C12orf75: variants seen among roughly 807,000 people sequenced by gnomAD.
The protein encoded by C12orf75 is overexpressed in colon carcinoma 1 protein.
Under a neutral mutation model 11.4 loss-of-function variants are expected in C12orf75, and 4 were observed. The ratio of observed to expected loss-of-function variants is 0.35; its 90% confidence interval spans 0.17 to 0.80. The LOEUF (loss-of-function observed/expected upper bound fraction) is 0.80, where lower values mean the gene tolerates loss of function less well. C12orf75 is among the 30% of genes least tolerant of loss of function. The pLI, the probability that C12orf75 is intolerant of heterozygous loss-of-function variation, is 0.52. For missense variants in C12orf75, 89 were observed against 80.4 expected (o/e 1.11, Z -0.41); for synonymous variants, 30 against 30.0 (o/e 1.00, Z 0.00).
At chr12:105,347,904 G>T (rs929558467) in intron 1 of C12orf75, among the ~76,000 whole-genome samples, 2 of 152,136 alleles carry the variant, frequency 1.3e-5, no homozygotes, top group African/African-American at 4.8e-5. Context: ...GACTTAACCT[G>T]CCGTGCAGAC....
chr12:105,360,091 A>T (rs1454618105), intron 2 of C12orf75, among the ~76,000 whole-genome samples: 1 of 152,210 alleles, frequency 6.6e-6, no homozygotes, highest in Non-Finnish European at 1.5e-5. Flanking sequence ...GCTCTTACTG[A>T]TCTGCATTAG....
At chr12:105,359,833 A>G (rs1013413859) in intron 2 of C12orf75, among the ~76,000 whole-genome samples, 16 of 151,626 alleles carry the variant, frequency 1.1e-4, no homozygotes, top group Non-Finnish European at 2.4e-4. Flanking sequence ...TGGTTGCTGT[A>G]TGTCCATTTG....
intron 1 of C12orf75, among the ~76,000 whole-genome samples, chr12:105,347,002 A>C (rs1592879374): frequency 1.3e-5 from 2 of 152,342 alleles, no homozygotes; most frequent in East Asian, 3.9e-4. Context: ...TGTCTTTTTA[A>C]ATCTTCACAA....
chr12:105,337,410 A>C (rs1384232230), intron 1 of C12orf75, among the ~76,000 whole-genome samples: 2 of 152,146 alleles, frequency 1.3e-5, no homozygotes, highest in Non-Finnish European at 2.9e-5. Context: ...GAGCAGAGAG[A>C]AATTTCTCAA....
chr12:105,359,491 CT>C (rs1892829956), intron 2 of C12orf75, among the ~76,000 whole-genome samples: 1 of 152,158 alleles, frequency 6.6e-6, no homozygotes, highest in Admixed American at 6.6e-5. Context: ...TTATTACTGG[CT>C]GGGCGCAGTG....
At position 105,330,707 on chromosome 12, in the gene C12orf75, C is replaced by T. The variant is rs1351861491; in HGVS notation, c.-185C>T. The T allele has an allele frequency of 4.3e-5, 19 of 445,996 alleles. No individual in the cohort carries two copies. Among genetic ancestry groups the T allele is most frequent in the Non-Finnish European group, 5.6e-5 (17 of 302,780 alleles). The allele number at this position is 445,996 out of a possible 1,614,324, so 27.6% of individuals were successfully genotyped here. On this transcript the variant is annotated 5_prime_UTR_variant, in exon 1 of 6. Transcript: ENST00000443585. ...GTGCCGGGTGGTTTCCGCCCGGCAG[C>T]CCGCAGCCCGCTGCGCCCCGGGCCG...
At chr12:105,343,984 A>G (rs186499799) in intron 1 of C12orf75, among the ~76,000 whole-genome samples, 110 of 152,264 alleles carry the variant, frequency 7.2e-4, no homozygotes, top group Admixed American at 1.8e-3. Context: ...AACAGAGGGA[A>G]TGGTCTGTTG....
chr12:105,348,048 A>G (rs1892659965), intron 1 of C12orf75, among the ~76,000 whole-genome samples: 1 of 152,252 alleles, frequency 6.6e-6, no homozygotes. Flanking sequence ...TGTAATTTAC[A>G]GGAACTGTTA....
rs1304239332 is a variant in C12orf75 at position 105,355,175 on chromosome 12, TTTTTC to T, written c.71+6554_71+6558del. 4.3e-4 allele frequency among the ~76,000 whole-genome samples: 20 copies of T among 46,954 alleles called. 2 individuals carry two copies. The highest frequency in any genetic ancestry group is 8.1e-4 in the African/African-American group (14 of 17,354). The allele number at this position is 46,954 out of a possible 152,430, so 30.8% of individuals were successfully genotyped here. Reference sequence around the variant, plus strand: ...TTTCACGAATTTCTTTTTCTTTTTCTTTTTCTTTTTTTTTTTCAGAGTTTTGCTCT... The same window carrying T: ...TTTCACGAATTTCTTTTTCTTTTTCTTTTTTTTTTTTCAGAGTTTTGCTCT... On this transcript the variant is annotated intron_variant, in intron 2 of 5. Coordinates refer to ENST00000443585, the MANE Select transcript of C12orf75 (RefSeq NM_001145199.2).
chr12:105,344,804 T>A (rs1392419104), intron 1 of C12orf75, among the ~76,000 whole-genome samples: 5 of 151,948 alleles, frequency 3.3e-5, no homozygotes, highest in African/African-American at 1.2e-4. Context: ...ATTGTTTTCT[T>A]CCCTCTGTAA....
In C12orf75 at chr12:105,345,659, C is replaced by CTTTTTTTTTTTTTTTTTTTT. The variant is rs771376717; in HGVS notation, c.47-2942_47-2923dup. Among the ~76,000 whole-genome samples, 3 of 73,498 alleles carry CTTTTTTTTTTTTTTTTTTTT rather than the reference C, an allele frequency of 4.1e-5. 1 individual carries two copies. Among genetic ancestry groups the CTTTTTTTTTTTTTTTTTTTT allele is most frequent in the Non-Finnish European group, 7.0e-5 (3 of 42,946 alleles). The allele number at this position is 73,498 out of a possible 152,430, so 48.2% of individuals were successfully genotyped here. On this transcript the variant is annotated intron_variant, in intron 1 of 5. Coordinates refer to ENST00000443585, the MANE Select transcript of C12orf75 (RefSeq NM_001145199.2). Reference sequence around the variant, plus strand: ...TCCTGATCTTGAATTAGTGTCTGGCCTTTTTTTTTTTTTTTTTTTTGAGAC... The same window carrying CTTTTTTTTTTTTTTTTTTTT: ...TCCTGATCTTGAATTAGTGTCTGGCCTTTTTTTTTTTTTTTTTTTTTTTTTTTTTTTTTTTTTTTTGAGAC...
At chr12:105,355,619 C>G (rs1892771184) in intron 2 of C12orf75, among the ~76,000 whole-genome samples, 1 of 152,150 alleles carries the variant, frequency 6.6e-6, no homozygotes, top group Admixed American at 6.5e-5. Context: ...ATGGCCCCAC[C>G]TGTAAGAGCT....
chr12:105,366,688 T>C lies in C12orf75; in HGVS notation c.179T>C (p.Val60Ala). 3.9e-6 allele frequency: 6 copies of C among 1,522,352 alleles called. No individual in the cohort carries two copies. The highest frequency in any genetic ancestry group is 2.8e-5 in the African/African-American group (2 of 72,524). 94.3% of individuals were successfully genotyped at this position (1,522,352 alleles called of 1,614,324 possible). The change falls in exon 4 of 6, where the codon GTT (valine) becomes GCT (alanine). Residue 60 changes from valine (V) to alanine (A), a missense_variant. Coordinates refer to ENST00000443585, the MANE Select transcript of C12orf75 (RefSeq NM_001145199.2). ...ATGGTGTCCAGTCAAACAAAGACGG[T>C]TCGGAAAAGTAAGTGAAATCATGTG... ...VNMVSSQTKT[V>A]RKN
Position 105,330,726 on chromosome 12 carries a change from C to G in C12orf75, c.-166C>G, listed in dbSNP as rs887303459. 1.5e-5 allele frequency: 9 copies of G among 588,888 alleles called. No homozygotes were observed. The highest frequency in any genetic ancestry group is 5.9e-4 in the Middle Eastern group (1 of 1,688). The allele number at this position is 588,888 out of a possible 1,614,324, so 36.5% of individuals were successfully genotyped here. Reference sequence around the variant, plus strand: ...CGGCAGCCCGCAGCCCGCTGCGCCCCGGGCCGCGTCTCCCGGCGGTGGGAG... The same window carrying G: ...CGGCAGCCCGCAGCCCGCTGCGCCCGGGGCCGCGTCTCCCGGCGGTGGGAG... On this transcript the variant is annotated 5_prime_UTR_variant, in exon 1 of 6. Transcript: ENST00000443585.
At chr12:105,331,737 A>G (rs890484027) in intron 1 of C12orf75, among the ~76,000 whole-genome samples, 1 of 151,404 alleles carries the variant, frequency 6.6e-6, no homozygotes, top group African/African-American at 2.4e-5. Context: ...TCACCCTTCT[A>G]TTTCACCCTG....
intron 2 of C12orf75, among the ~76,000 whole-genome samples, chr12:105,359,341 A>G (rs1398536674): frequency 6.6e-6 from 1 of 152,092 alleles, no homozygotes; most frequent in African/African-American, 2.4e-5. Context: ...CCCCATTTAT[A>G]GTAGATTAAG....
At chr12:105,333,883 TG>T (rs1181334719) in intron 1 of C12orf75, among the ~76,000 whole-genome samples, 1 of 152,250 alleles carries the variant, frequency 6.6e-6, no homozygotes, top group Admixed American at 6.5e-5. Context: ...CCCCTAAATC[TG>T]AAATCTCCAT....
chr12:105,343,469 A>C (rs1369845889), intron 1 of C12orf75, among the ~76,000 whole-genome samples: 1 of 152,256 alleles, frequency 6.6e-6, no homozygotes, highest in Admixed American at 6.5e-5. Flanking sequence ...AGTTTAAAGC[A>C]AATGGGATCT....
intron 2 of C12orf75, among the ~76,000 whole-genome samples, chr12:105,355,539 C>G (rs1892769731): frequency 6.6e-6 from 1 of 152,136 alleles, no homozygotes; most frequent in South Asian, 2.1e-4. Context: ...GGGTCAAAAT[C>G]TTTGGTGCTC....
Sources: allele counts gnomAD v4.1 joint callset (sites outside exome capture counted in the v4.1 genomes callset), GRCh38; gene constraint gnomAD v4.1.1; transcripts MANE v1.5; gene names NCBI Gene and HGNC (gene_info 2026-07-23, HGNC 2026-07-21).